The following PLEKHA5 variants were observed in gnomAD, a reference collection of about 807,000 sequenced individuals.
The protein encoded by PLEKHA5 is pleckstrin homology domain containing A5.
PLEKHA5 carries 55 observed loss-of-function variants against 181.9 expected under a neutral mutation model. The ratio of observed to expected loss-of-function variants is 0.30; its 90% confidence interval spans 0.24 to 0.38. The LOEUF is 0.38. PLEKHA5 is among the 10% of genes least tolerant of loss of function. PLEKHA5 has a pLI of 1.00. For synonymous variants in PLEKHA5, 535 were observed against 529.4 expected (o/e 1.01, Z -0.15); for missense variants, 1,432 against 1,549.5 (o/e 0.92, Z 1.27).
intron 15 of PLEKHA5, among the ~76,000 whole-genome samples, chr12:19,308,815 AGGG>A (rs1205954179): frequency 2.0e-5 from 3 of 151,968 alleles, no homozygotes; most frequent in Admixed American, 6.6e-5. Context: ...GGGAGGCCGA[AGGG>A]GGGCAGATCA....
chr12:19,304,756 C>CTT lies in PLEKHA5; in HGVS notation c.2038-10047_2038-10046dup, dbSNP rs112010862. Among the ~76,000 whole-genome samples, 8 of 143,658 alleles carry CTT rather than the reference C, an allele frequency of 5.6e-5. No individual in the cohort carries two copies. In the East Asian group the frequency reaches 1.4e-3, roughly 25 times the overall value. The allele number at this position is 143,658 out of a possible 152,430, so 94.2% of individuals were successfully genotyped here. ...AGGTAGTTTTATGGGGGCCGGGGGG[C>CTT]TTTTTTTTTTTTCTTTTGCCAGATA... On this transcript the variant is annotated intron_variant, in intron 15 of 31. Coordinates refer to ENST00000429027, the MANE Select transcript of PLEKHA5 (RefSeq NM_001256470.2).
In PLEKHA5 at chr12:19,264,333, C is replaced by G. The variant is rs915207728; in HGVS notation, c.611-1417C>G. On this transcript the variant is annotated intron_variant, in intron 7 of 31. Transcript: ENST00000429027. ...TCACCCTGTGCTTTAGTGCCTCTGT[C>G]TATTCTGAAGCAACTTTAGAAAAGA... 9.9e-5 allele frequency among the ~76,000 whole-genome samples: 15 copies of G among 151,312 alleles called. 1 individual carries two copies. Among genetic ancestry groups the G allele is most frequent in the African/African-American group, 3.4e-4 (14 of 40,652 alleles).
intron 3 of PLEKHA5, among the ~76,000 whole-genome samples, chr12:19,135,361 C>T (rs191590739): frequency 3.9e-5 from 6 of 152,158 alleles, no homozygotes; most frequent in African/African-American, 7.2e-5. Flanking sequence ...TCAGTCTTCA[C>T]GTCTTTAAAT....
At chr12:19,251,662 C>CA (rs1285534088) in intron 3 of PLEKHA5, among the ~76,000 whole-genome samples, 1 of 125,396 alleles carries the variant, frequency 8.0e-6, no homozygotes, top group Admixed American at 1.0e-4. Context: ...CTTTAACGTA[C>CA]AAATCATGTT....
At chr12:19,323,829 A>AAG (rs1246252585) in intron 20 of PLEKHA5, among the ~76,000 whole-genome samples, 13 of 151,842 alleles carry the variant, frequency 8.6e-5, no homozygotes, top group Non-Finnish European at 1.8e-4. Flanking sequence ...AAAAAAAAAA[A>AAG]AAAGAAAGAA....
chr12:19,363,700 C>A (rs2095335817), intron 29 of PLEKHA5, among the ~76,000 whole-genome samples: 1 of 151,848 alleles, frequency 6.6e-6, no homozygotes, highest in Admixed American at 6.6e-5. Flanking sequence ...CCATGTTGGC[C>A]AGGCTGGCCT....
intron 11 of PLEKHA5, among the ~76,000 whole-genome samples, chr12:19,281,380 C>T (rs1237880170): frequency 3.3e-5 from 5 of 152,028 alleles, no homozygotes; most frequent in East Asian, 3.9e-4. Flanking sequence ...AGTTTGAGAT[C>T]GCCCTGGGCA....
intron 3 of PLEKHA5, among the ~76,000 whole-genome samples, chr12:19,139,675 A>G (rs2036721963): frequency 6.6e-6 from 1 of 152,254 alleles, no homozygotes; most frequent in African/African-American, 2.4e-5. Flanking sequence ...GATAAATGCT[A>G]TGAAGAATAT....
chr12:19,348,293 C>T (rs1373959473), intron 24 of PLEKHA5, 106 bp from the exon 25 acceptor site: 8 of 783,962 alleles, frequency 1.0e-5, no homozygotes, highest in Non-Finnish European at 1.7e-5. Context: ...CCAGATGGCT[C>T]ACTAGGGCTA....
At chr12:19,221,378 G>A (rs777713174) in intron 3 of PLEKHA5, among the ~76,000 whole-genome samples, 32 of 152,278 alleles carry the variant, frequency 2.1e-4, no homozygotes, top group African/African-American at 4.6e-4. Flanking sequence ...ATTGCTAAGT[G>A]AAAGAAGGCA....
In PLEKHA5 at chr12:19,347,141, A is replaced by G. The variant is rs905206973; in HGVS notation, c.2857A>G (p.Met953Val). The G allele has an allele frequency of 1.9e-6, 3 of 1,550,410 alleles. No individual in the cohort carries two copies. Among genetic ancestry groups the G allele is most frequent in the Non-Finnish European group, 2.6e-6 (3 of 1,146,082 alleles). ...GPVHLPEEKK[M>V]YQVQGYPRNG... ...AGTTCATCTGCCTGAAGAAAAGAAG[A>G]TGTATCAAGTTCAAGGATATCCAAG... The change falls in exon 24 of 32, where the codon ATG (methionine) becomes GTG (valine). Residue 953 changes from methionine to valine, a missense_variant. This residue lies in a region of PLEKHA5 where 1,143 missense variants were observed against 1,168.4 expected (regional missense o/e 0.98). Transcript: ENST00000429027.
chr12:19,143,128 T>C (rs1443937856), intron 3 of PLEKHA5, among the ~76,000 whole-genome samples: 4 of 152,250 alleles, frequency 2.6e-5, no homozygotes, highest in Admixed American at 1.3e-4. Context: ...TTCATTTCTT[T>C]TGGGTATACA....
intron 3 of PLEKHA5, among the ~76,000 whole-genome samples, chr12:19,197,411 C>T (rs2053079855): frequency 6.6e-6 from 1 of 152,230 alleles, no homozygotes; most frequent in East Asian, 1.9e-4. Context: ...TTTTTGTTCC[C>T]TTTTTGCTCA....
In PLEKHA5 at chr12:19,274,756, G is replaced by T. The variant is rs370241103; in HGVS notation, c.1086G>T (p.Gly362=). ...LNSLPSEYES[G]SACPAQTVHY... ...CTCTGCCATCTGAATATGAGAGTGGGTCAGCATGCCCTGCTCAGACTGTGC... is the reference window on the plus strand; with the variant it reads ...CTCTGCCATCTGAATATGAGAGTGGTTCAGCATGCCCTGCTCAGACTGTGC... The change falls in exon 11 of 32, where the codon GGG becomes GGT. Residue 362 remains glycine (G), a synonymous_variant. Transcript: ENST00000429027. 1.9e-6 allele frequency: 3 copies of T among 1,614,170 alleles called. No individual in the cohort carries two copies. The East Asian group carries it at 6.7e-5, about 36-fold the overall frequency.
intron 3 of PLEKHA5, chr12:19,151,005 G>A (rs1229249429): frequency 6.6e-6 from 1 of 152,242 alleles, no homozygotes; most frequent in Non-Finnish European, 1.5e-5. Flanking sequence ...ATACTGCAAG[G>A]TTGGAGATTT....
At chr12:19,218,988 A>G (rs751549165) in intron 3 of PLEKHA5, among the ~76,000 whole-genome samples, 9 of 146,110 alleles carry the variant, frequency 6.2e-5, no homozygotes, top group Non-Finnish European at 8.9e-5. Context: ...ACATGTGCAC[A>G]TTGTGCAGGT....
intron 3 of PLEKHA5, 126 bp from the exon 4 acceptor site, chr12:19,253,814 C>G (rs2066083245): frequency 1.9e-5 from 13 of 688,040 alleles, no homozygotes; most frequent in South Asian, 1.5e-4. Context: ...GAATAAAACT[C>G]CGTCTCAAAA....
At chr12:19,257,358 A>G in intron 5 of PLEKHA5, 75 bp from the exon 6 acceptor site, 1 of 688,032 alleles carries the variant, frequency 1.5e-6, no homozygotes, top group Non-Finnish European at 2.5e-6. Context: ...AAAGAGATTA[A>G]ATTTTAAGAG....
At chr12:19,285,161 C>T (rs1019759473) in intron 12 of PLEKHA5, among the ~76,000 whole-genome samples, 7 of 152,170 alleles carry the variant, frequency 4.6e-5, no homozygotes, top group Admixed American at 4.6e-4. Flanking sequence ...TAACAAAGTT[C>T]AGTGTTTCCT....
Sources: gnomAD v4.1 joint callset for allele counts (sites outside exome capture counted in the v4.1 genomes callset) on GRCh38, gnomAD v4.1.1 for gene constraint, gnomAD v4.1.1 regional missense constraint, MANE v1.5 for transcripts, NCBI Gene and HGNC (gene_info 2026-07-23, HGNC 2026-07-21) for gene names.